Variants in SLC25A13 observed in about 807,000 individuals in gnomAD.
The protein encoded by SLC25A13 is solute carrier family 25 member 13, also known as electrogenic aspartate/glutamate antiporter SLC25A13, mitochondrial.
Under a neutral mutation model 85.5 loss-of-function variants are expected in SLC25A13, and 70 were observed. The ratio of observed to expected loss-of-function variants is 0.82; its 90% CI spans 0.68 to 1.00. SLC25A13 has a LOEUF of 1.00. Among genes scored for constraint, SLC25A13 ranks in the 50% least tolerant of loss-of-function variants. SLC25A13 has a pLI of 0.00. For missense variants in SLC25A13, 765 were observed against 819.8 expected (o/e 0.93, Z 0.82); for synonymous variants, 259 against 288.7 (o/e 0.90, Z 1.04).
At position 96,182,712 on chromosome 7, in the gene SLC25A13, T is replaced by A. The variant is rs1794466743; in HGVS notation, c.1177+1565A>T. ...AGGGAAATATAGACGTAACCAAAAA[T>A]CAGACCTGCCAGGTATGGTCAAAGA... On this transcript the variant is annotated intron_variant, in intron 11 of 17. Coordinates refer to ENST00000265631, the MANE Select transcript of SLC25A13 (RefSeq NM_014251.3). Among the ~76,000 whole-genome samples the A allele has an allele frequency of 2.0e-5, 3 of 152,068 alleles. No homozygotes were observed. In the South Asian group the frequency reaches 6.2e-4, roughly 32 times the overall value.
At chr7:96,321,286 A>G (rs1800328563) in intron 1 of SLC25A13, among the ~76,000 whole-genome samples, 1 of 152,206 alleles carries the variant, frequency 6.6e-6, no homozygotes, top group Non-Finnish European at 1.5e-5. Flanking sequence ...CGTTCCCAAA[A>G]AGAAGCCTCT....
chr7:96,131,829 G>C lies in SLC25A13; in HGVS notation c.1505C>G (p.Pro502Arg), dbSNP rs139149160. The change falls in exon 15 of 18, where the codon CCG becomes CGG. Residue 502 changes from proline (P) to arginine (R), a missense_variant. Transcript: ENST00000265631. Reference sequence around the variant, plus strand: ...GGAAGCCTTCACATGAGCATAGCACGGAAAGTAGATGGCCGAGAAAGGAAT... The same window carrying C: ...GGAAGCCTTCACATGAGCATAGCACCGAAAGTAGATGGCCGAGAAAGGAAT... The part of the protein sequence containing the change: ...RDIPFSAIYF[P>R]CYAHVKASFA... 1 of 1,613,930 alleles carries C rather than the reference G, an allele frequency of 6.2e-7. No individual in the cohort carries two copies. The highest frequency in any genetic ancestry group is 1.3e-5 in the African/African-American group (1 of 74,886).
intron 2 of SLC25A13, among the ~76,000 whole-genome samples, chr7:96,289,850 AG>A (rs1562907576): frequency 6.6e-6 from 1 of 152,252 alleles, no homozygotes; most frequent in South Asian, 2.1e-4. Context: ...GATAATATCC[AG>A]GAGAACTTCC....
intron 4 of SLC25A13, among the ~76,000 whole-genome samples, chr7:96,231,234 A>G (rs966608962): frequency 1.6e-4 from 25 of 152,228 alleles, no homozygotes; most frequent in African/African-American, 5.8e-4. Context: ...AGCAATTGCA[A>G]TAAAAACAAA....
chr7:96,314,547 C>A (rs998371911), intron 1 of SLC25A13, among the ~76,000 whole-genome samples: 4 of 152,120 alleles, frequency 2.6e-5, no homozygotes, highest in Admixed American at 2.6e-4. Context: ...GTTGCAAGGT[C>A]CACCCTAAGG....
intron 5 of SLC25A13, among the ~76,000 whole-genome samples, chr7:96,200,124 T>A (rs1795199147): frequency 6.6e-6 from 1 of 152,128 alleles, no homozygotes; most frequent in African/African-American, 2.4e-5. Flanking sequence ...CTGGTTAATT[T>A]GCATTTTTGT....
chr7:96,162,474 T>C (rs765329872), intron 13 of SLC25A13, among the ~76,000 whole-genome samples: 1 of 152,230 alleles, frequency 6.6e-6, no homozygotes, highest in Non-Finnish European at 1.5e-5. Flanking sequence ...AAGTCATTAA[T>C]ATCTGGGTGG....
At chr7:96,303,344 G>C (rs1205444208) in intron 1 of SLC25A13, among the ~76,000 whole-genome samples, 3 of 151,870 alleles carry the variant, frequency 2.0e-5, no homozygotes, top group African/African-American at 7.3e-5. Flanking sequence ...CAAGCTTCTG[G>C]GTGTGTGTGT....
chr7:96,251,124 T>C (rs546602957), intron 3 of SLC25A13, among the ~76,000 whole-genome samples: 30 of 150,398 alleles, frequency 2.0e-4, no homozygotes, highest in African/African-American at 6.6e-4. Context: ...AGGAAGTGAG[T>C]GAGATTCTTA....
At chr7:96,157,920 A>G (rs187200634) in intron 13 of SLC25A13, among the ~76,000 whole-genome samples, 36 of 152,374 alleles carry the variant, frequency 2.4e-4, no homozygotes, top group African/African-American at 8.2e-4. Context: ...CTCCAAGAAC[A>G]ATGGCCTTCA....
intron 5 of SLC25A13, among the ~76,000 whole-genome samples, chr7:96,196,641 A>T (rs1477334103): frequency 6.6e-6 from 1 of 152,208 alleles, no homozygotes; most frequent in Non-Finnish European, 1.5e-5. Context: ...AAGTCTGATG[A>T]TGAACAACCT....
chr7:96,269,838 T>C (rs1798166874), intron 3 of SLC25A13, among the ~76,000 whole-genome samples: 1 of 152,234 alleles, frequency 6.6e-6, no homozygotes, highest in African/African-American at 2.4e-5. Flanking sequence ...GACAATATGT[T>C]AAGTGAAATA....
intron 3 of SLC25A13, among the ~76,000 whole-genome samples, chr7:96,267,930 T>A (rs1798098100): frequency 6.6e-6 from 1 of 152,088 alleles, no homozygotes; most frequent in Non-Finnish European, 1.5e-5. Flanking sequence ...ATATCTAACA[T>A]TCCCTTTTCC....
Position 96,208,941 on chromosome 7 carries a change from T to C in SLC25A13, c.365A>G (p.His122Arg). ...VKQVFGQTTI[H>R]QHIPFNWDSE... ...ATCCCAGTTAAATGGAATATGTTGA[T>C]GAATTGTGGTCTGTCCAAAAACTTG... The change falls in exon 5 of 18, where the codon CAT becomes CGT. Residue 122 changes from histidine (H) to arginine (R), a missense_variant. His to Arg is a conservative substitution (Grantham distance 29, BLOSUM62 0). Transcript: ENST00000265631. 1 of 1,614,154 alleles carries C rather than the reference T, an allele frequency of 6.2e-7. No homozygotes were observed. The highest frequency in any genetic ancestry group is 8.5e-7 in the Non-Finnish European group (1 of 1,180,008).
At chr7:96,292,467 T>C (rs1799165194) in intron 2 of SLC25A13, among the ~76,000 whole-genome samples, 1 of 152,104 alleles carries the variant, frequency 6.6e-6, no homozygotes, top group South Asian at 2.1e-4. Flanking sequence ...GGGTATTCAA[T>C]TAGGAAAAGA....
intron 3 of SLC25A13, among the ~76,000 whole-genome samples, chr7:96,240,635 T>C (rs1735539045): frequency 6.6e-6 from 1 of 151,328 alleles, no homozygotes; most frequent in African/African-American, 2.4e-5. Flanking sequence ...TTCCAGCACT[T>C]TGGGAGGCCA....
chr7:96,249,112 C>T (rs1797315825), intron 3 of SLC25A13, among the ~76,000 whole-genome samples: 1 of 152,146 alleles, frequency 6.6e-6, no homozygotes, highest in African/African-American at 2.4e-5. Context: ...TTGAGACCAG[C>T]CTGGGCAACG....
chr7:96,147,818 T>C (rs906600253), intron 13 of SLC25A13, among the ~76,000 whole-genome samples: 1 of 152,166 alleles, frequency 6.6e-6, no homozygotes, highest in Admixed American at 6.5e-5. Flanking sequence ...AAAATGCTCA[T>C]ATGTTTAAAA....
intron 3 of SLC25A13, among the ~76,000 whole-genome samples, chr7:96,265,648 T>C (rs190887871): frequency 3.3e-5 from 5 of 152,310 alleles, no homozygotes; most frequent in Admixed American, 2.6e-4. Context: ...TTCAAGGACA[T>C]TCTGAAGCAG....
Sources: allele counts gnomAD v4.1 joint callset (sites outside exome capture counted in the v4.1 genomes callset), GRCh38; gene constraint gnomAD v4.1.1; transcripts MANE v1.5; gene names NCBI Gene and HGNC (gene_info 2026-07-23, HGNC 2026-07-21).